Variants in ATP2C2 observed in about 807,000 individuals in gnomAD.
The protein encoded by ATP2C2 is ATPase secretory pathway Ca2+ transporting 2, also known as calcium-transporting ATPase type 2C member 2.
In ATP2C2, 171 loss-of-function variants were observed where a neutral mutation model predicts 110.8. The ratio of observed to expected loss-of-function variants is 1.54; its 90% CI spans 1.36 to 1.75. ATP2C2 has a LOEUF of 1.75. Among genes scored for constraint, ATP2C2 ranks in the 40% most tolerant of loss-of-function variants. ATP2C2 has a pLI of 0.00. For synonymous variants in ATP2C2, 804 were observed against 508.4 expected (o/e 1.58, Z -7.82); for missense variants, 1,963 against 1,235.0 (o/e 1.59, Z -8.84).
intron 4 of ATP2C2, 71 bp downstream of exon 4, chr16:84,408,565 T>A (rs1329137358): frequency 1.6e-6 from 2 of 1,251,568 alleles, no homozygotes; most frequent in Admixed American, 2.1e-5. Context: ...CTTGTTATTG[T>A]ATATAAAGAA....
At chr16:84,376,173 T>G (rs1257354000) in intron 1 of ATP2C2, among the ~76,000 whole-genome samples, 1 of 152,124 alleles carries the variant, frequency 6.6e-6, no homozygotes, top group Non-Finnish European at 1.5e-5. Flanking sequence ...ATAAGTAGTT[T>G]GGGTCAGCAC....
At position 84,427,276 on chromosome 16, in the gene ATP2C2, A is replaced by C. The variant is rs373911946; in HGVS notation, c.986+1475A>C. 1.1e-4 allele frequency among the ~76,000 whole-genome samples: 16 copies of C among 152,324 alleles called. No homozygotes were observed. The East Asian group carries it at 2.3e-3, about 22-fold the overall frequency. On this transcript the variant is annotated intron_variant, in intron 11 of 26. Transcript: ENST00000262429. ...CCATCAGCTCATTAAAGAATAAACA[A>C]CTTAGGTACAGTGGAATATTTTTCA...
chr16:84,445,186 C>G (rs899830258), intron 15 of ATP2C2, among the ~76,000 whole-genome samples: 5 of 151,952 alleles, frequency 3.3e-5, no homozygotes, highest in Non-Finnish European at 7.4e-5. Flanking sequence ...TGCTCCCCGC[C>G]ACGCCTCTGC....
chr16:84,435,925 T>A (rs1424901827), intron 11 of ATP2C2, among the ~76,000 whole-genome samples: 1 of 152,142 alleles, frequency 6.6e-6, no homozygotes, highest in African/African-American at 2.4e-5. Context: ...GGCCAGGAGT[T>A]CAAGACCAGC....
intron 3 of ATP2C2, among the ~76,000 whole-genome samples, chr16:84,406,806 G>T (rs1905811762): frequency 6.6e-6 from 1 of 152,002 alleles, no homozygotes; most frequent in South Asian, 2.1e-4. Context: ...TCTTTGCTCT[G>T]CCCTGGCACC....
chr16:84,397,184 C>T (rs1178828071), intron 1 of ATP2C2, among the ~76,000 whole-genome samples: 1 of 151,752 alleles, frequency 6.6e-6, no homozygotes. Context: ...TTAGCAAAGC[C>T]TCCCGAAGCC....
chr16:84,458,842 G>T (rs1364816965), intron 21 of ATP2C2, among the ~76,000 whole-genome samples: 1 of 152,184 alleles, frequency 6.6e-6, no homozygotes, highest in African/African-American at 2.4e-5. Context: ...GGCTCGGCCG[G>T]AGAGTAATTC....
chr16:84,463,749 G>A lies in ATP2C2; in HGVS notation c.*17G>A, dbSNP rs1245262866. The A allele has an allele frequency of 4.4e-6, 7 of 1,585,370 alleles. No homozygotes were observed. In the Admixed American group the frequency reaches 1.0e-4, roughly 23 times the overall value. The stretch of plus-strand genomic sequence containing the variant: ...GATGTGTAGTGGACCGCACTCCGCG[G>A]CACCTTCCCTAATCATCTCGATCTG... On this transcript the variant is annotated 3_prime_UTR_variant, in exon 27 of 27. Transcript: ENST00000262429.
chr16:84,442,167 G>A (rs1909323331), intron 14 of ATP2C2, among the ~76,000 whole-genome samples: 1 of 152,066 alleles, frequency 6.6e-6, no homozygotes, highest in African/African-American at 2.4e-5. Context: ...GTTTCAATTT[G>A]TTCACAAGTT....
chr16:84,454,691 A>T (rs1327150296), intron 20 of ATP2C2, 127 bp from the exon 21 acceptor site: 2 of 972,184 alleles, frequency 2.1e-6, no homozygotes, highest in Non-Finnish European at 2.9e-6. Context: ...AATGTGGGTG[A>T]AGCTGGGATT....
At chr16:84,449,467 A>G (rs115439407) in intron 17 of ATP2C2, among the ~76,000 whole-genome samples, 1,849 of 152,320 alleles carry the variant, frequency 0.012, 44 homozygotes, top group African/African-American at 0.042. Context: ...GCTTACAGGT[A>G]AATACTGTGC....
intron 1 of ATP2C2, among the ~76,000 whole-genome samples, chr16:84,374,253 G>A (rs966537054): frequency 3.9e-5 from 6 of 152,122 alleles, no homozygotes; most frequent in Non-Finnish European, 7.3e-5. Flanking sequence ...ACAATTGTGC[G>A]CTGTGTGATG....
chr16:84,424,048 T>A (rs1415157006), intron 10 of ATP2C2, among the ~76,000 whole-genome samples: 1 of 152,202 alleles, frequency 6.6e-6, no homozygotes, highest in African/African-American at 2.4e-5. Flanking sequence ...GCCTGGCCCC[T>A]AATAGATTCT....
chr16:84,433,823 AG>A (rs540287048), intron 11 of ATP2C2, among the ~76,000 whole-genome samples: 97 of 152,280 alleles, frequency 6.4e-4, no homozygotes, highest in African/African-American at 2.3e-3. Context: ...TCTGTGCTCA[AG>A]CCCCAAATAC....
intron 11 of ATP2C2, among the ~76,000 whole-genome samples, chr16:84,436,885 C>A (rs1203954317): frequency 1.3e-5 from 2 of 152,174 alleles, no homozygotes; most frequent in African/African-American, 4.8e-5. Flanking sequence ...GCCTCAGCCT[C>A]CCGAGTAGCT....
intron 17 of ATP2C2, among the ~76,000 whole-genome samples, chr16:84,450,813 G>T (rs1029877165): frequency 6.6e-6 from 1 of 152,098 alleles, no homozygotes; most frequent in Non-Finnish European, 1.5e-5. Flanking sequence ...TTGCTCCCCT[G>T]TCAATTTTTC....
rs556979849 is a variant in ATP2C2, at chr16:84,451,802, C to T, written c.1661-119C>T. ...GCAGTGAGCCAACATTACACCACTG[C>T]ACTCCAACCTGGGCGATAAGAACAA... On this transcript the variant is annotated intron_variant, in intron 17 of 26. Coordinates refer to ENST00000262429, the MANE Select transcript of ATP2C2 (RefSeq NM_014861.4). 803 of 1,012,702 alleles carry T rather than the reference C, an allele frequency of 7.9e-4. 12 individuals carry two copies. The South Asian group carries it at 0.012, about 15-fold the overall frequency. 62.7% of individuals were successfully genotyped at this position (1,012,702 alleles called of 1,614,324 possible). A position where few individuals can be genotyped will look rare whatever the true frequency, so the allele number is the denominator to read the frequency against.
chr16:84,444,148 G>C (rs1909523545), intron 15 of ATP2C2, among the ~76,000 whole-genome samples: 1 of 121,774 alleles, frequency 8.2e-6, no homozygotes. Context: ...GTCTAGATGA[G>C]AGAGATCCTG....
chr16:84,444,417 G>T (rs371246277), intron 15 of ATP2C2, among the ~76,000 whole-genome samples: 115 of 137,766 alleles, frequency 8.3e-4, no homozygotes, highest in African/African-American at 2.8e-3. Flanking sequence ...AGGTTACAGT[G>T]AGCCGAGATC....
Sources: allele counts gnomAD v4.1 joint callset (sites outside exome capture counted in the v4.1 genomes callset), GRCh38; gene constraint gnomAD v4.1.1; transcripts MANE v1.5; gene names NCBI Gene and HGNC (gene_info 2026-07-23, HGNC 2026-07-21).